Variants in CD28 observed in about 807,000 individuals in gnomAD.
The protein encoded by CD28 is T-cell-specific surface glycoprotein CD28.
CD28 carries 8 observed loss-of-function variants against 21.4 expected under a neutral mutation model. That is an observed-to-expected ratio of 0.37 (90% CI 0.22 to 0.68). The LOEUF is 0.68. CD28 is among the 30% of genes least tolerant of loss of function. The probability of loss-of-function intolerance (pLI) is 0.55; values close to 1 mark genes in which losing one functional copy is unlikely to be tolerated. For synonymous variants in CD28, 106 were observed against 104.0 expected (o/e 1.02, Z -0.12); for missense variants, 239 against 272.2 (o/e 0.88, Z 0.86).
chr2:203,733,653 A>G lies in CD28; in HGVS notation c.535-1131A>G, dbSNP rs542265139. On this transcript the variant is annotated intron_variant, in intron 3 of 3. Transcript: ENST00000324106. The stretch of plus-strand genomic sequence containing the variant: ...AGAAGGATGAGCTTGCAAAGGAGGC[A>G]GGGAAGGAGTGACAAGACAGGTAGG... Among the ~76,000 whole-genome samples the G allele has an allele frequency of 3.3e-5, 5 of 152,192 alleles. No homozygotes were observed. In the East Asian group the frequency reaches 5.8e-4, roughly 18 times the overall value.
At chr2:203,727,430 T>TTTCCTTCCTTCC (rs762878963) in intron 2 of CD28, among the ~76,000 whole-genome samples, 6,437 of 98,706 alleles carry the variant, frequency 0.065, 221 homozygotes, top group Non-Finnish European at 0.084. Flanking sequence ...CCATTTTCTT[T>TTTCCTTCCTTCC]TTCCTTCCTT....
intron 1 of CD28, among the ~76,000 whole-genome samples, chr2:203,725,016 C>T (rs763877836): frequency 8.5e-5 from 13 of 152,056 alleles, no homozygotes; most frequent in Non-Finnish European, 8.8e-5. Context: ...GAGGGCCAGG[C>T]GCAGTGGCTC....
intron 1 of CD28, among the ~76,000 whole-genome samples, chr2:203,716,192 A>G (rs1251776659): frequency 1.3e-5 from 2 of 152,146 alleles, no homozygotes; most frequent in East Asian, 3.9e-4. Context: ...CCAGTTCCCA[A>G]TAAACTCTCA....
chr2:203,723,470 G>A (rs1444711555), intron 1 of CD28, among the ~76,000 whole-genome samples: 3 of 149,454 alleles, frequency 2.0e-5, no homozygotes, highest in African/African-American at 7.4e-5. Context: ...CTGGGTGACA[G>A]AGTGAGACTC....
At chr2:203,708,891 G>T (rs569189505) in intron 1 of CD28, among the ~76,000 whole-genome samples, 1 of 152,132 alleles carries the variant, frequency 6.6e-6, no homozygotes, top group Non-Finnish European at 1.5e-5. Flanking sequence ...ACGCTGAGGC[G>T]GGTGGATCAC....
chr2:203,714,854 G>A lies in CD28; in HGVS notation c.52+8106G>A, dbSNP rs146468395. Among the ~76,000 whole-genome samples the A allele has an allele frequency of 1.1e-4, 17 of 152,286 alleles. 1 individual carries two copies. Among genetic ancestry groups the A allele is most frequent in the African/African-American group, 4.1e-4 (17 of 41,550 alleles). ...CCAGGATCCTAAATGCTGCTAATGT[G>A]CTTAGAAATGACTGCTGGACTTTGA... On this transcript the variant is annotated intron_variant, in intron 1 of 3. Transcript: ENST00000324106.
In CD28 at chr2:203,729,743, C is replaced by T. The variant is rs199840923; in HGVS notation, c.505C>T (p.Leu169=). 13 of 1,614,002 alleles carry T rather than the reference C, an allele frequency of 8.1e-6. No homozygotes were observed. The highest frequency in any genetic ancestry group is 6.6e-5 in the South Asian group (6 of 91,076). The change falls in exon 3 of 4, where the codon CTA becomes TTA. Residue 169 remains leucine, a synonymous_variant. Transcript: ENST00000324106. ...TGGAGTCCTGGCTTGCTATAGCTTGCTAGTAACAGTGGCCTTTATTATTTT... is the reference window on the plus strand; with the variant it reads ...TGGAGTCCTGGCTTGCTATAGCTTGTTAGTAACAGTGGCCTTTATTATTTT... ...VGGVLACYSL[L]VTVAFIIFWV... is the part of the protein sequence containing the mutation.
intron 2 of CD28, among the ~76,000 whole-genome samples, chr2:203,729,418 A>G (rs953509669): frequency 6.6e-6 from 1 of 152,192 alleles, no homozygotes; most frequent in Non-Finnish European, 1.5e-5. Context: ...ATACAAGTCT[A>G]CCAGTGTACC....
At position 203,726,657 on chromosome 2, in the gene CD28, C is replaced by T. The variant is rs202067202; in HGVS notation, c.77C>T (p.Ser26Leu). 19 of 1,607,190 alleles carry T rather than the reference C, an allele frequency of 1.2e-5. No homozygotes were observed. The highest frequency in any genetic ancestry group is 1.7e-4 in the Middle Eastern group (1 of 6,036). Residue 26 changes from serine (S) to leucine (L), a missense_variant, in exon 2 of 4, where the codon TCG (serine) becomes TTG (leucine). Transcript: ENST00000324106. ...GGAAACAAGATTTTGGTGAAGCAGT[C>T]GCCCATGCTTGTAGCGTACGACAAT... ...VTGNKILVKQ[S>L]PMLVAYDNAV... is the part of the protein sequence containing the mutation.
chr2:203,719,990 G>T (rs553177251), intron 1 of CD28, among the ~76,000 whole-genome samples: 1 of 152,044 alleles, frequency 6.6e-6, no homozygotes. Flanking sequence ...AACGGCAAGA[G>T]TTGTTTTTTT....
At chr2:203,722,802 G>A (rs962880761) in intron 1 of CD28, among the ~76,000 whole-genome samples, 1 of 152,210 alleles carries the variant, frequency 6.6e-6, no homozygotes, top group Admixed American at 6.5e-5. Flanking sequence ...TAGTAGACAA[G>A]GCATGGAGGT....
intron 1 of CD28, among the ~76,000 whole-genome samples, chr2:203,709,363 T>C (rs1693252413): frequency 6.6e-6 from 1 of 152,188 alleles, no homozygotes; most frequent in Admixed American, 6.5e-5. Flanking sequence ...ATAATGTGTG[T>C]GTATGTATGT....
intron 1 of CD28, among the ~76,000 whole-genome samples, chr2:203,721,850 C>T (rs576057304): frequency 6.6e-6 from 1 of 152,258 alleles, no homozygotes; most frequent in African/African-American, 2.4e-5. Flanking sequence ...CTCCCATGTG[C>T]ATCTTAGGAA....
At chr2:203,708,929 G>T (rs1371307533) in intron 1 of CD28, among the ~76,000 whole-genome samples, 1 of 152,110 alleles carries the variant, frequency 6.6e-6, no homozygotes, top group Non-Finnish European at 1.5e-5. Flanking sequence ...AGACCCGTCG[G>T]GCTAACATGG....
chr2:203,722,907 G>A (rs919426082), intron 1 of CD28, among the ~76,000 whole-genome samples: 5 of 152,184 alleles, frequency 3.3e-5, no homozygotes, highest in African/African-American at 1.2e-4. Context: ...AACCTGTGGA[G>A]GCCGATTTGA....
At chr2:203,723,489 TAA>T (rs57408890) in intron 1 of CD28, among the ~76,000 whole-genome samples, 20 of 136,730 alleles carry the variant, frequency 1.5e-4, no homozygotes, top group South Asian at 1.1e-3. Flanking sequence ...TCTGTAAAAA[TAA>T]AAAAAAAAAA....
At chr2:203,723,480 C>G (rs1693656872) in intron 1 of CD28, among the ~76,000 whole-genome samples, 1 of 137,888 alleles carries the variant, frequency 7.3e-6, no homozygotes, top group Admixed American at 7.2e-5. Flanking sequence ...GAGTGAGACT[C>G]TGTAAAAATA....
chr2:203,737,205 T>TTGGTTGATTTTTAAGTGGGCTTCCA lies in CD28; in HGVS notation c.*2295_*2319dup, dbSNP rs1391137128. 3.9e-5 allele frequency: 6 copies of TTGGTTGATTTTTAAGTGGGCTTCCA among 152,082 alleles called. No homozygotes were observed. The East Asian group carries it at 9.6e-4, about 24-fold the overall frequency. The allele number at this position is 152,082 out of a possible 1,614,324, so 9.4% of individuals were successfully genotyped here. On this transcript the variant is annotated 3_prime_UTR_variant, in exon 4 of 4. Transcript: ENST00000324106. ...GATTCCAGATCGAAAATACTGTACTTTGGTTGATTTTTAAGTGGGCTTCCA... is the reference window on the plus strand; with the variant it reads ...GATTCCAGATCGAAAATACTGTACTTTGGTTGATTTTTAAGTGGGCTTCCATGGTTGATTTTTAAGTGGGCTTCCA...
chr2:203,729,655 C>A lies in CD28; in HGVS notation c.417C>A (p.His139Gln), dbSNP rs201478343. ...CTCTATTTTGTTTTTCAGGGAAACA[C>A]CTTTGTCCAAGTCCCCTATTTCCCG... ...NGTIIHVKGK[H>Q]LCPSPLFPGP... The change falls in exon 3 of 4, where the codon CAC (histidine) becomes CAA (glutamine). Residue 139 changes from histidine to glutamine, a missense_variant. By Grantham distance (24) the His-to-Gln change is conservative. Coordinates refer to ENST00000324106, the MANE Select transcript of CD28 (RefSeq NM_006139.4). The A allele has an allele frequency of 3.1e-6, 5 of 1,613,804 alleles. No homozygotes were observed. The highest frequency in any genetic ancestry group is 1.3e-5 in the African/African-American group (1 of 75,026).
Sources: allele counts gnomAD v4.1 joint callset (sites outside exome capture counted in the v4.1 genomes callset), GRCh38; gene constraint gnomAD v4.1.1; transcripts MANE v1.5; gene names NCBI Gene and HGNC (gene_info 2026-07-23, HGNC 2026-07-21).